The following DDX10 variants were observed in gnomAD, a reference collection of about 807,000 sequenced individuals.
The protein encoded by DDX10 is DEAD-box helicase 10, also known as probable ATP-dependent RNA helicase DDX10.
A neutral mutation model predicts 104.3 loss-of-function variants in DDX10; 74 were observed. The ratio of observed to expected loss-of-function variants is 0.71; its 90% confidence interval spans 0.59 to 0.86. The LOEUF is 0.86. Ranked by LOEUF, DDX10 falls within the 40% of genes least tolerant of loss-of-function variation. DDX10 has a pLI of 0.00. For missense variants in DDX10, 952 were observed against 1,040.0 expected (o/e 0.92, Z 1.16); for synonymous variants, 351 against 353.4 (o/e 0.99, Z 0.08).
At chr11:108,797,259 C>G (rs1321451468) in intron 13 of DDX10, among the ~76,000 whole-genome samples, 2 of 152,272 alleles carry the variant, frequency 1.3e-5, no homozygotes, top group Admixed American at 1.3e-4. Flanking sequence ...GTCTTCATCT[C>G]TTGACCTCAT....
chr11:108,813,240 T>A (rs1324652493), intron 13 of DDX10, among the ~76,000 whole-genome samples: 1 of 152,152 alleles, frequency 6.6e-6, no homozygotes, highest in East Asian at 1.9e-4. Context: ...TTGCACTAAT[T>A]CACATTTCTA....
intron 16 of DDX10, among the ~76,000 whole-genome samples, chr11:108,866,838 T>G (rs1863013476): frequency 1.3e-5 from 2 of 152,196 alleles, no homozygotes; most frequent in Admixed American, 6.5e-5. Context: ...ATCTTAACAT[T>G]TAGCTTCTGT....
chr11:108,930,603 A>C (rs1565322433), intron 17 of DDX10, among the ~76,000 whole-genome samples: 1 of 152,204 alleles, frequency 6.6e-6, no homozygotes, highest in African/African-American at 2.4e-5. Flanking sequence ...AGCATTTTGC[A>C]TTCTTACCAG....
chr11:108,881,435 AT>A (rs1478948539), intron 16 of DDX10, among the ~76,000 whole-genome samples: 4 of 152,186 alleles, frequency 2.6e-5, no homozygotes, highest in African/African-American at 9.6e-5. Flanking sequence ...TCATAACAGG[AT>A]TATAGTTTGG....
chr11:108,716,673 C>G (rs2094291899), intron 11 of DDX10, among the ~76,000 whole-genome samples: 1 of 152,164 alleles, frequency 6.6e-6, no homozygotes, highest in African/African-American at 2.4e-5. Flanking sequence ...GCCAAATTAT[C>G]TTTAGGAATG....
At chr11:108,834,530 G>A (rs1247866380) in intron 13 of DDX10, among the ~76,000 whole-genome samples, 1 of 152,012 alleles carries the variant, frequency 6.6e-6, no homozygotes, top group Non-Finnish European at 1.5e-5. Context: ...CTAGACCACT[G>A]CCATGACCCC....
intron 13 of DDX10, among the ~76,000 whole-genome samples, chr11:108,784,591 A>G (rs1162178223): frequency 3.3e-5 from 5 of 151,988 alleles, no homozygotes; most frequent in Non-Finnish European, 7.4e-5. Context: ...TGGATATTAG[A>G]CTTTTGTCAA....
At chr11:108,939,324 A>G (rs749578817) in intron 17 of DDX10, among the ~76,000 whole-genome samples, 14 of 152,092 alleles carry the variant, frequency 9.2e-5, no homozygotes, top group Non-Finnish European at 1.9e-4. Flanking sequence ...CATGGGTGTA[A>G]TCTTGGTCCA....
chr11:108,854,701 T>C (rs191020423), intron 16 of DDX10, among the ~76,000 whole-genome samples: 38 of 149,988 alleles, frequency 2.5e-4, no homozygotes, highest in African/African-American at 8.8e-4. Context: ...CATTTTATTA[T>C]ACAAGGAAGG....
chr11:108,763,302 C>T (rs1488331601), intron 13 of DDX10, among the ~76,000 whole-genome samples: 1 of 152,102 alleles, frequency 6.6e-6, no homozygotes, highest in Non-Finnish European at 1.5e-5. Context: ...CATAGGCCTT[C>T]CTGAAGGTCA....
chr11:108,699,598 G>C (rs2094264607), intron 9 of DDX10, among the ~76,000 whole-genome samples: 1 of 152,172 alleles, frequency 6.6e-6, no homozygotes, highest in Admixed American at 6.5e-5. Flanking sequence ...GAAAGATGAA[G>C]CAGTAATGTC....
chr11:108,877,400 C>T (rs1435057495), intron 16 of DDX10, among the ~76,000 whole-genome samples: 1 of 152,074 alleles, frequency 6.6e-6, no homozygotes, highest in Non-Finnish European at 1.5e-5. Context: ...TGGTTATAGA[C>T]AGCACGAGTG....
intron 16 of DDX10, 124 bp downstream of exon 16, chr11:108,852,333 A>G: frequency 1.5e-6 from 1 of 657,324 alleles, no homozygotes; most frequent in Middle Eastern, 2.7e-4. Flanking sequence ...CTTCTTTTCA[A>G]CATGGATTTT....
intron 13 of DDX10, among the ~76,000 whole-genome samples, chr11:108,732,062 G>A (rs549278809): frequency 6.6e-6 from 1 of 152,094 alleles, no homozygotes; most frequent in South Asian, 2.1e-4. Flanking sequence ...TGTCTCTCTG[G>A]AAAAAGAAGA....
chr11:108,692,996 A>G (rs565183402), intron 8 of DDX10, among the ~76,000 whole-genome samples: 20 of 152,308 alleles, frequency 1.3e-4, no homozygotes, highest in Admixed American at 4.6e-4. Context: ...TGCTGCATCC[A>G]TCAACCCGTC....
At chr11:108,862,235 G>A (rs1018369081) in intron 16 of DDX10, among the ~76,000 whole-genome samples, 2 of 151,942 alleles carry the variant, frequency 1.3e-5, no homozygotes, top group Non-Finnish European at 1.5e-5. Context: ...TGTTGACTAG[G>A]CTGGTCATGA....
chr11:108,845,618 C>G (rs996880570), intron 15 of DDX10, among the ~76,000 whole-genome samples: 1 of 151,908 alleles, frequency 6.6e-6, no homozygotes, highest in African/African-American at 2.4e-5. Flanking sequence ...AACTTTTGAC[C>G]CAAAGTTGTG....
chr11:108,689,589 T>C (rs903274370), intron 7 of DDX10, among the ~76,000 whole-genome samples: 3 of 152,242 alleles, frequency 2.0e-5, no homozygotes, highest in Non-Finnish European at 4.4e-5. Flanking sequence ...TGAAGTGTTT[T>C]GTTTATATCT....
At chr11:108,693,013 A>G (rs1215068109) in intron 8 of DDX10, among the ~76,000 whole-genome samples, 5 of 152,348 alleles carry the variant, frequency 3.3e-5, no homozygotes, top group Middle Eastern at 6.8e-3. Flanking sequence ...CGTCATCTAC[A>G]TTAGGTATTT....
Sources: gnomAD v4.1 joint callset for allele counts (sites outside exome capture counted in the v4.1 genomes callset) on GRCh38, gnomAD v4.1.1 for gene constraint, MANE v1.5 for transcripts, NCBI Gene and HGNC (gene_info 2026-07-23, HGNC 2026-07-21) for gene names.